CPB2: variants seen among roughly 807,000 people sequenced by gnomAD.
CPB2 encodes carboxypeptidase B-like protein.
A neutral mutation model predicts 57.0 loss-of-function variants in CPB2; 54 were observed. That is an observed-to-expected ratio of 0.95 (90% CI 0.76 to 1.19). The LOEUF is 1.19. Ranked by LOEUF, CPB2 falls within the 50% of genes most tolerant of loss-of-function variation. The pLI is 0.00. For missense variants in CPB2, 426 were observed against 512.0 expected, an observed-to-expected ratio of 0.83 and a Z score of 1.62; for synonymous variants, 189 against 178.1, an observed-to-expected ratio of 1.06 and a Z score of -0.49.
intron 6 of CPB2, chr13:46,073,600 A>C: frequency 3.7e-6 from 1 of 267,432 alleles, no homozygotes; most frequent in Non-Finnish European, 5.7e-6. Context: ...ATTATAATCA[A>C]TGTACTATTT....
At chr13:46,088,821 C>T (rs1202404020) in intron 1 of CPB2, among the ~76,000 whole-genome samples, 1 of 152,038 alleles carries the variant, frequency 6.6e-6, no homozygotes, top group Non-Finnish European at 1.5e-5. Flanking sequence ...TATGTTTATT[C>T]AGATCAACTG....
At chr13:46,095,805 G>T (rs1229296351) in intron 1 of CPB2, among the ~76,000 whole-genome samples, 1 of 151,556 alleles carries the variant, frequency 6.6e-6, no homozygotes, top group Non-Finnish European at 1.5e-5. Flanking sequence ...AACTGAGTAT[G>T]GTGGGGATAC....
intron 2 of CPB2, among the ~76,000 whole-genome samples, chr13:46,085,668 C>T (rs2045192234): frequency 6.6e-6 from 1 of 152,230 alleles, no homozygotes; most frequent in African/African-American, 2.4e-5. Context: ...GCTCCCGCCT[C>T]TATCCTCCAA....
chr13:46,060,102 G>T (rs2044750667), intron 8 of CPB2, among the ~76,000 whole-genome samples: 1 of 152,042 alleles, frequency 6.6e-6, no homozygotes, highest in African/African-American at 2.4e-5. Context: ...TCAGACCAGG[G>T]TTGTTTAATA....
intron 8 of CPB2, among the ~76,000 whole-genome samples, chr13:46,062,731 TG>T (rs1388444397): frequency 2.6e-5 from 4 of 152,292 alleles, no homozygotes; most frequent in African/African-American, 9.6e-5. Flanking sequence ...TAATGGGTAT[TG>T]GTTTCTGTCT....
intron 8 of CPB2, among the ~76,000 whole-genome samples, chr13:46,061,568 T>C (rs985497235): frequency 4.6e-5 from 7 of 152,116 alleles, no homozygotes; most frequent in African/African-American, 1.7e-4. Flanking sequence ...GAAGGCCATG[T>C]GAGGGCACAG....
chr13:46,097,129 G>A (rs1354440112), intron 1 of CPB2: 1 of 152,186 alleles, frequency 6.6e-6, no homozygotes, highest in East Asian at 1.9e-4. Context: ...CAACAGAATA[G>A]ACATTAAACA....
intron 2 of CPB2, among the ~76,000 whole-genome samples, chr13:46,087,268 C>T (rs1161337918): frequency 6.6e-6 from 1 of 152,228 alleles, no homozygotes; most frequent in Non-Finnish European, 1.5e-5. Context: ...AGCACACAGC[C>T]CCAGCCGTGC....
At chr13:46,095,415 T>A (rs7991899) in intron 1 of CPB2, among the ~76,000 whole-genome samples, 84,842 of 151,950 alleles carry the variant, frequency 0.56, 24,442 homozygotes, top group East Asian at 0.81. Context: ...TCCCATCAAA[T>A]CCACATTTAA....
chr13:46,060,743 C>G (rs980808967), intron 8 of CPB2, among the ~76,000 whole-genome samples: 9 of 152,036 alleles, frequency 5.9e-5, no homozygotes, highest in African/African-American at 1.9e-4. Context: ...CTATGATTGT[C>G]ATTCTAGAGA....
At chr13:46,067,198 T>A (rs1361376590) in intron 7 of CPB2, 109 bp downstream of exon 7, 7 of 519,154 alleles carry the variant, frequency 1.3e-5, no homozygotes, top group South Asian at 3.4e-5. Context: ...TTAAAAAAAA[T>A]TAATAATAAA....
intron 6 of CPB2, among the ~76,000 whole-genome samples, chr13:46,067,805 T>G (rs2044878874): frequency 6.6e-6 from 1 of 152,230 alleles, no homozygotes; most frequent in Admixed American, 6.5e-5. Context: ...CCATGTTTTA[T>G]CCCCAGATGT....
chr13:46,088,905 A>G (rs1420196120), intron 1 of CPB2, among the ~76,000 whole-genome samples: 1 of 150,196 alleles, frequency 6.7e-6, no homozygotes, highest in Non-Finnish European at 1.5e-5. Flanking sequence ...TCTAAATACT[A>G]ATTTCTTGTC....
chr13:46,053,714 G>C lies in CPB2; in HGVS notation c.1172C>G (p.Thr391Arg). Residue 391 changes from threonine (T) to arginine (R), a missense_variant, in exon 11 of 11, where the codon ACA (threonine) becomes AGA (arginine). Coordinates refer to ENST00000181383, the MANE Select transcript of CPB2 (RefSeq NM_001872.5). The stretch of plus-strand genomic sequence containing the variant: ...ACGCTCCGGCAGCAAGAATCCGTAT[G>C]TGCCCGTATCTCGAAGTTCAATTGT... ...SFTIELRDTG[T>R]YGFLLPERYI... The C allele has an allele frequency of 5.0e-6, 8 of 1,614,162 alleles. No individual in the cohort carries two copies. The highest frequency in any genetic ancestry group is 6.8e-6 in the Non-Finnish European group (8 of 1,180,028).
At chr13:46,066,941 A>G (rs1052145605) in intron 7 of CPB2, among the ~76,000 whole-genome samples, 3 of 151,480 alleles carry the variant, frequency 2.0e-5, no homozygotes, top group Admixed American at 6.6e-5. Context: ...TAATTATACT[A>G]TAATTATTTT....
At chr13:46,087,630 GAGA>G (rs1252638607) in intron 2 of CPB2, 112 bp downstream of exon 2, 4 of 703,046 alleles carry the variant, frequency 5.7e-6, no homozygotes, top group Admixed American at 2.8e-5. Flanking sequence ...AGAAGACTAT[GAGA>G]AGAAGAGTTC....
chr13:46,077,380 T>A (rs1175715344), intron 5 of CPB2, among the ~76,000 whole-genome samples: 1 of 152,170 alleles, frequency 6.6e-6, no homozygotes, highest in East Asian at 1.9e-4. Flanking sequence ...TGCAATGTCA[T>A]CTCATTCCAG....
intron 1 of CPB2, among the ~76,000 whole-genome samples, chr13:46,091,623 T>C (rs1252546803): frequency 6.6e-6 from 1 of 152,204 alleles, no homozygotes; most frequent in East Asian, 1.9e-4. Context: ...TATCTTAATG[T>C]GGTGAATTAT....
chr13:46,093,157 C>G (rs1417454748), intron 1 of CPB2, among the ~76,000 whole-genome samples: 2 of 152,176 alleles, frequency 1.3e-5, no homozygotes, highest in African/African-American at 2.4e-5. Context: ...AGACAATCCA[C>G]CCGCCTCAGC....
Sources: allele counts gnomAD v4.1 joint callset (sites outside exome capture counted in the v4.1 genomes callset), GRCh38; gene constraint gnomAD v4.1.1; transcripts MANE v1.5; gene names NCBI Gene and HGNC (gene_info 2026-07-23, HGNC 2026-07-21).